STARD4: variants seen among roughly 807,000 people sequenced by gnomAD.
The protein encoded by STARD4 is StAR related lipid transfer domain containing 4, also known as stAR-related lipid transfer protein 4.
STARD4 carries 33 observed loss-of-function variants against 24.9 expected under a neutral mutation model. That is an observed-to-expected ratio of 1.32 (90% CI 1.00 to 1.77). The LOEUF (loss-of-function observed/expected upper bound fraction) is 1.77. STARD4 is among the 40% of genes most tolerant of loss of function. STARD4 has a pLI of 0.00. For missense variants in STARD4, 238 were observed against 249.3 expected, an observed-to-expected ratio of 0.95 and a Z score of 0.31; for synonymous variants, 88 against 77.4, an observed-to-expected ratio of 1.14 and a Z score of -0.72.
chr5:111,503,867 C>T (rs1188059167), intron 3 of STARD4, among the ~76,000 whole-genome samples: 4 of 151,992 alleles, frequency 2.6e-5, no homozygotes, highest in Non-Finnish European at 5.9e-5. Context: ...CACATATAAA[C>T]AGAGAATTAT....
chr5:111,509,700 A>C (rs867853514), intron 1 of STARD4, among the ~76,000 whole-genome samples: 14 of 152,070 alleles, frequency 9.2e-5, no homozygotes, highest in Admixed American at 5.2e-4. Flanking sequence ...TACGTCTAGC[A>C]CTCAGTAGGA....
intron 2 of STARD4, among the ~76,000 whole-genome samples, chr5:111,506,960 C>A (rs1014593648): frequency 2.6e-5 from 4 of 152,198 alleles, no homozygotes; most frequent in Non-Finnish European, 2.9e-5. Context: ...GGAATACTAA[C>A]TAGCTACCTT....
At chr5:111,500,867 T>A in intron 5 of STARD4, 135 bp downstream of exon 5, 1 of 1,579,030 alleles carries the variant, frequency 6.3e-7, no homozygotes, top group Non-Finnish European at 8.6e-7. Context: ...CCCTAGAGTT[T>A]AGCACTTGCA....
Position 111,509,016 on chromosome 5 carries a change from T to C in STARD4, c.-9-1574A>G, listed in dbSNP as rs116674030. Reference sequence around the variant, plus strand: ...AGTGATGCAAAATATATAATAAGTATAGATCCAATCCACGGATGAAAAGTT... The same window carrying C: ...AGTGATGCAAAATATATAATAAGTACAGATCCAATCCACGGATGAAAAGTT... On this transcript the variant is annotated intron_variant, in intron 1 of 5. Coordinates refer to ENST00000296632, the MANE Select transcript of STARD4 (RefSeq NM_139164.3). Among the ~76,000 whole-genome samples the C allele has an allele frequency of 5.9e-3, 898 of 152,158 alleles. 11 individuals are homozygous for C. Among genetic ancestry groups the C allele is most frequent in the African/African-American group, 0.021 (852 of 41,548 alleles).
intron 1 of STARD4, among the ~76,000 whole-genome samples, chr5:111,509,089 C>T (rs1757064492): frequency 6.6e-6 from 1 of 151,968 alleles, no homozygotes; most frequent in Non-Finnish European, 1.5e-5. Context: ...ACCTAATTTC[C>T]ATTCAAGAGG....
chr5:111,497,703 C>T lies in STARD4; in HGVS notation c.*2183G>A, dbSNP rs1561531041. On this transcript the variant is annotated 3_prime_UTR_variant, in exon 6 of 6. Coordinates refer to ENST00000296632, the MANE Select transcript of STARD4 (RefSeq NM_139164.3). ...TCACTTACATTATTGTTCTATCCTA[C>T]AGCATTGCTATAGAAGCAGCGGACT... The T allele has an allele frequency of 6.6e-6, 1 of 151,998 alleles. No homozygotes were observed. Among genetic ancestry groups the T allele is most frequent in the Admixed American group, 6.6e-5 (1 of 15,258 alleles). 9.4% of individuals were successfully genotyped at this position (151,998 alleles called of 1,614,324 possible).
intron 3 of STARD4, among the ~76,000 whole-genome samples, chr5:111,502,944 G>A (rs956897928): frequency 8.6e-5 from 13 of 152,034 alleles, no homozygotes; most frequent in African/African-American, 2.2e-4. Flanking sequence ...GCTATACTAC[G>A]TGTCATAATG....
In STARD4 at chr5:111,507,286, G is replaced by C. The variant is rs1207405444; in HGVS notation, c.105+43C>G. Reference sequence around the variant, plus strand: ...TTAAAAGTCATCAACCAATTCATTAGATAGAAGATATACCCCAAATATAAG... The same window carrying C: ...TTAAAAGTCATCAACCAATTCATTACATAGAAGATATACCCCAAATATAAG... On this transcript the variant is annotated intron_variant, in intron 2 of 5. Transcript: ENST00000296632. The surrounding 1 kb of genome is among the most constrained non-coding windows in gnomAD (Gnocchi z 4.4). 2 of 1,502,752 alleles carry C rather than the reference G, an allele frequency of 1.3e-6. No homozygotes were observed. Among genetic ancestry groups the C allele is most frequent in the African/African-American group, 2.8e-5 (2 of 72,138 alleles). 93.1% of individuals were successfully genotyped at this position (1,502,752 alleles called of 1,614,324 possible).
At chr5:111,502,867 T>A (rs1756568749) in intron 3 of STARD4, among the ~76,000 whole-genome samples, 1 of 151,842 alleles carries the variant, frequency 6.6e-6, no homozygotes, top group Admixed American at 6.6e-5. Context: ...TTCTGATAAA[T>A]TACATTCTAC....
chr5:111,501,052 A>G lies in STARD4; in HGVS notation c.347T>C (p.Phe116Ser). ...GCCCACAGTATAGGAGAAATCAACA[A>G]ATTCTCTTGGGGAAATTATATTCCA... ...QLWNIISPRE[F>S]VDFSYTVGYK... The change falls in exon 5 of 6, where the codon TTT becomes TCT. Residue 116 changes from phenylalanine to serine, a missense_variant. Transcript: ENST00000296632. 1 of 1,613,104 alleles carries G rather than the reference A, an allele frequency of 6.2e-7. No individual in the cohort carries two copies. Among genetic ancestry groups the G allele is most frequent in the Non-Finnish European group, 8.5e-7 (1 of 1,179,720 alleles).
In STARD4 at chr5:111,498,312, G is replaced by C. The variant is rs189106026; in HGVS notation, c.*1574C>G. On this transcript the variant is annotated 3_prime_UTR_variant, in exon 6 of 6. Coordinates refer to ENST00000296632, the MANE Select transcript of STARD4 (RefSeq NM_139164.3). ...AGGTATATGTTGATAAGGACAAAGA[G>C]AGCACTAGAGTAGAGATAGTGGGCA... 1.3e-5 allele frequency: 2 copies of C among 151,976 alleles called. No homozygotes were observed. Among genetic ancestry groups the C allele is most frequent in the East Asian group, 1.9e-4 (1 of 5,168 alleles). The allele number at this position is 151,976 out of a possible 1,614,324, so 9.4% of individuals were successfully genotyped here. A position where few individuals can be genotyped will look rare whatever the true frequency, so the allele number is the denominator to read the frequency against.
chr5:111,502,454 G>T lies in STARD4; in HGVS notation c.156-366C>A, dbSNP rs972817294. 4.7e-4 allele frequency among the ~76,000 whole-genome samples: 70 copies of T among 149,792 alleles called. 1 individual carries two copies. The highest frequency in any genetic ancestry group is 1.6e-3 in the African/African-American group (64 of 40,526). On this transcript the variant is annotated intron_variant, in intron 3 of 5. Coordinates refer to ENST00000296632, the MANE Select transcript of STARD4 (RefSeq NM_139164.3). ...ACTGCACTCCAGCCTAGGTGACGGAGTGAGATTCCATCTCAAAAAAAAAAT... is the reference window on the plus strand; with the variant it reads ...ACTGCACTCCAGCCTAGGTGACGGATTGAGATTCCATCTCAAAAAAAAAAT...
chr5:111,510,772 A>G (rs1218259082), intron 1 of STARD4, among the ~76,000 whole-genome samples: 2 of 152,304 alleles, frequency 1.3e-5, no homozygotes, highest in African/African-American at 4.8e-5. Flanking sequence ...GTCTTGACCA[A>G]TCCAACTCCA....
At chr5:111,503,606 C>T (rs1279851914) in intron 3 of STARD4, among the ~76,000 whole-genome samples, 1 of 151,880 alleles carries the variant, frequency 6.6e-6, no homozygotes, top group African/African-American at 2.4e-5. Context: ...TCCAGCCTGG[C>T]GACACAGCGA....
At chr5:111,505,594 T>G (rs114419405) in intron 3 of STARD4, among the ~76,000 whole-genome samples, 2 of 152,190 alleles carry the variant, frequency 1.3e-5, no homozygotes, top group African/African-American at 4.8e-5. Flanking sequence ...TCCTACTGAA[T>G]TGTCTCCTCC....
intron 1 of STARD4, among the ~76,000 whole-genome samples, chr5:111,509,945 T>A (rs1287358680): frequency 6.6e-6 from 1 of 152,140 alleles, no homozygotes; most frequent in African/African-American, 2.4e-5. Flanking sequence ...GGAATTCAGA[T>A]TTTACTCTCA....
intron 3 of STARD4, among the ~76,000 whole-genome samples, chr5:111,505,544 G>A (rs1756790986): frequency 6.6e-6 from 1 of 152,112 alleles, no homozygotes; most frequent in Non-Finnish European, 1.5e-5. Flanking sequence ...CTTCAAAAAT[G>A]TGGTTTTTAA....
In STARD4 at chr5:111,501,132, T is replaced by G. The variant is rs1332047108; in HGVS notation, c.283-16A>C. 4 of 1,583,670 alleles carry G rather than the reference T, an allele frequency of 2.5e-6. No homozygotes were observed. The East Asian group carries it at 6.7e-5, about 27-fold the overall frequency. Reference sequence around the variant, plus strand: ...CACAGCAATTCTGAAAAAGAAGAGATAAGACAAGTGTTACTACTATAGGAA... The same window carrying G: ...CACAGCAATTCTGAAAAAGAAGAGAGAAGACAAGTGTTACTACTATAGGAA... On this transcript the variant is annotated splice_polypyrimidine_tract_variant and intron_variant, in intron 4 of 5. Transcript: ENST00000296632.
intron 3 of STARD4, 78 bp from the exon 4 acceptor site, chr5:111,502,166 T>G: frequency 1.3e-6 from 2 of 1,503,062 alleles, no homozygotes; most frequent in Non-Finnish European, 8.9e-7. Flanking sequence ...TAGCTAACTT[T>G]GAAAGTAAGG....
Sources: gnomAD v4.1 joint callset for allele counts (sites outside exome capture counted in the v4.1 genomes callset) on GRCh38, gnomAD v4.1.1 for gene constraint, Gnocchi (gnomAD v3.1) non-coding constraint, MANE v1.5 for transcripts, NCBI Gene and HGNC (gene_info 2026-07-23, HGNC 2026-07-21) for gene names.